The following WWOX variants were observed in gnomAD, a reference collection of about 807,000 sequenced individuals.
WWOX encodes the protein WW domain-containing oxidoreductase.
A neutral mutation model predicts 46.2 loss-of-function variants in WWOX; 69 were observed. The observed-to-expected ratio is 1.49, with a 90% CI of 1.23 to 1.82. The LOEUF is 1.82. WWOX is among the 40% of genes most tolerant of loss of function. WWOX has a pLI of 0.00. For missense variants in WWOX, 919 were observed against 542.6 expected, an observed-to-expected ratio of 1.69 and a Z score of -6.89; for synonymous variants, 359 against 202.6, an observed-to-expected ratio of 1.77 and a Z score of -6.56.
chr16:78,930,514 C>G (rs1438400954), intron 8 of WWOX, among the ~76,000 whole-genome samples: 1 of 142,254 alleles, frequency 7.0e-6, no homozygotes, highest in Non-Finnish European at 1.5e-5. Flanking sequence ...TGGTCTTGAA[C>G]TCCTAGCCTC....
At chr16:78,582,782 G>C (rs945673911) in intron 8 of WWOX, among the ~76,000 whole-genome samples, 17 of 152,080 alleles carry the variant, frequency 1.1e-4, no homozygotes, top group Admixed American at 1.1e-3. Context: ...CTTCCATCAG[G>C]GGTCCTTATT....
At chr16:78,612,870 C>T (rs1325347141) in intron 8 of WWOX, among the ~76,000 whole-genome samples, 1 of 152,324 alleles carries the variant, frequency 6.6e-6, no homozygotes, top group South Asian at 2.1e-4. Context: ...AGGCATTCAG[C>T]ATAGTCCCTT....
intron 8 of WWOX, among the ~76,000 whole-genome samples, chr16:78,813,235 T>C (rs2051238359): frequency 6.6e-6 from 1 of 152,168 alleles, no homozygotes; most frequent in Non-Finnish European, 1.5e-5. Context: ...CTCACAGAGA[T>C]GTTTTAGGTC....
At chr16:78,316,097 A>T (rs965294521) in intron 5 of WWOX, among the ~76,000 whole-genome samples, 3 of 151,178 alleles carry the variant, frequency 2.0e-5, no homozygotes, top group Non-Finnish European at 1.5e-5. Context: ...AATAAAAAAA[A>T]AATCAGGCAT....
chr16:78,799,976 G>A (rs887442290), intron 8 of WWOX, among the ~76,000 whole-genome samples: 1 of 152,118 alleles, frequency 6.6e-6, no homozygotes, highest in African/African-American at 2.4e-5. Context: ...GGCATTGCAG[G>A]TCTGAGGTTC....
In WWOX at chr16:78,346,690, C is replaced by T. The variant is rs142658671; in HGVS notation, c.517-40170C>T. On this transcript the variant is annotated intron_variant, in intron 5 of 8. Transcript: ENST00000566780. The stretch of plus-strand genomic sequence containing the variant: ...GAACATGAAAACTATGCTTATTGCT[C>T]ATATCTATGTTATTTTATTATTTAC... Among the ~76,000 whole-genome samples, 367 of 118,724 alleles carry T rather than the reference C, an allele frequency of 3.1e-3. 77 individuals are homozygous for T. The highest frequency in any genetic ancestry group is 9.9e-3 in the African/African-American group (349 of 35,104). The allele number at this position is 118,724 out of a possible 152,430, so 77.9% of individuals were successfully genotyped here. A position where few individuals can be genotyped will look rare whatever the true frequency, so the allele number is the denominator to read the frequency against.
intron 8 of WWOX, among the ~76,000 whole-genome samples, chr16:78,514,640 T>G (rs908852328): frequency 6.6e-6 from 1 of 152,210 alleles, no homozygotes; most frequent in Non-Finnish European, 1.5e-5. Flanking sequence ...AGTTTCTTGA[T>G]GCATTTAAAA....
At chr16:78,361,483 A>G (rs62033455) in intron 5 of WWOX, among the ~76,000 whole-genome samples, 9,601 of 152,218 alleles carry the variant, frequency 0.063, 358 homozygotes, top group Middle Eastern at 0.12. Context: ...CTATTGTTGG[A>G]TCTTGCCTGC....
chr16:78,704,293 C>T (rs938494601), intron 8 of WWOX, among the ~76,000 whole-genome samples: 3 of 152,150 alleles, frequency 2.0e-5, no homozygotes, highest in African/African-American at 7.2e-5. Context: ...AAAATTTCCT[C>T]ATCTTGACTA....
chr16:78,431,760 A>G (rs1469282005), intron 7 of WWOX, among the ~76,000 whole-genome samples: 1 of 151,218 alleles, frequency 6.6e-6, no homozygotes, highest in East Asian at 2.0e-4. Context: ...TCTGTTGCCC[A>G]GGCTAGAGTT....
intron 8 of WWOX, among the ~76,000 whole-genome samples, chr16:78,707,894 C>G (rs546513417): frequency 6.6e-6 from 1 of 151,400 alleles, no homozygotes. Flanking sequence ...AATAAAGTAT[C>G]TGTCCCCAAG....
At chr16:78,948,685 C>A (rs1164610422) in intron 8 of WWOX, among the ~76,000 whole-genome samples, 1 of 152,112 alleles carries the variant, frequency 6.6e-6, no homozygotes, top group Admixed American at 6.5e-5. Context: ...GTCAGGGGAG[C>A]CACTTTTGGG....
intron 8 of WWOX, among the ~76,000 whole-genome samples, chr16:79,088,338 C>T (rs2048891068): frequency 6.6e-6 from 1 of 152,162 alleles, no homozygotes; most frequent in Non-Finnish European, 1.5e-5. Flanking sequence ...ATGCAAAATC[C>T]ATGTAGCGGC....
intron 5 of WWOX, among the ~76,000 whole-genome samples, chr16:78,315,102 T>C (rs937064537): frequency 6.6e-6 from 1 of 152,198 alleles, no homozygotes; most frequent in Non-Finnish European, 1.5e-5. Flanking sequence ...TTTTTTGGCT[T>C]TAATTTTGTC....
intron 7 of WWOX, among the ~76,000 whole-genome samples, chr16:78,429,242 G>A (rs369389145): frequency 6.6e-6 from 1 of 152,332 alleles, no homozygotes; most frequent in African/African-American, 2.4e-5. Flanking sequence ...AGAACAGAAG[G>A]ATGGCACAGT....
chr16:79,138,187 C>G (rs1220391638), intron 8 of WWOX, among the ~76,000 whole-genome samples: 2 of 152,094 alleles, frequency 1.3e-5, no homozygotes, highest in East Asian at 3.9e-4. Context: ...GGATGCCCCA[C>G]TTTCCAAAGG....
chr16:78,183,463 G>A (rs77420848), intron 5 of WWOX, among the ~76,000 whole-genome samples: 3,807 of 152,286 alleles, frequency 0.025, 146 homozygotes, highest in African/African-American at 0.086. Context: ...GAATCAGCCC[G>A]GTGGAGGTTG....
intron 8 of WWOX, among the ~76,000 whole-genome samples, chr16:78,663,377 A>G (rs1482831675): frequency 6.6e-6 from 1 of 152,194 alleles, no homozygotes; most frequent in Non-Finnish European, 1.5e-5. Flanking sequence ...GTATGGCCAA[A>G]TAATATTCTA....
chr16:78,185,957 C>T (rs1170115576), intron 5 of WWOX, among the ~76,000 whole-genome samples: 2 of 152,190 alleles, frequency 1.3e-5, no homozygotes, highest in Admixed American at 1.3e-4. Context: ...TGAGTCAGAG[C>T]ACCCGGCCTC....
Sources: gnomAD v4.1 joint callset for allele counts (sites outside exome capture counted in the v4.1 genomes callset) on GRCh38, gnomAD v4.1.1 for gene constraint, MANE v1.5 for transcripts, NCBI Gene and HGNC (gene_info 2026-07-23, HGNC 2026-07-21) for gene names.